The following INTS13 variants were observed in gnomAD, a reference collection of about 807,000 sequenced individuals.
INTS13 encodes the protein asunder, spermatogenesis regulator homolog (Drosphila).
INTS13 carries 35 observed loss-of-function variants against 90.2 expected under a neutral mutation model. That is an observed-to-expected ratio of 0.39 (90% CI 0.30 to 0.51). The LOEUF (loss-of-function observed/expected upper bound fraction) is 0.51, where lower values mean the gene tolerates loss of function less well. INTS13 is among the 20% of genes least tolerant of loss of function. The pLI is 0.80. For missense variants in INTS13, 601 were observed against 851.2 expected (o/e 0.71, Z 3.66); for synonymous variants, 309 against 277.1 (o/e 1.11, Z -1.14).
intron 15 of INTS13, among the ~76,000 whole-genome samples, chr12:26,910,715 G>C (rs951873466): frequency 2.6e-5 from 4 of 152,098 alleles, no homozygotes; most frequent in African/African-American, 7.2e-5. Context: ...AGCAGCATAA[G>C]ACTGGACTAA....
chr12:26,924,496 A>G lies in INTS13; in HGVS notation c.676-13T>C. ...AAACCGGGGACAACTACAGAAAAAC[A>G]TACAAGAAAAATAATCCACAAAATA... On this transcript the variant is annotated splice_polypyrimidine_tract_variant and intron_variant, in intron 6 of 16. Transcript: ENST00000261191. 1.3e-6 allele frequency: 2 copies of G among 1,592,234 alleles called. No individual in the cohort carries two copies. The highest frequency in any genetic ancestry group is 1.7e-6 in the Non-Finnish European group (2 of 1,168,650).
chr12:26,909,924 T>C (rs1434563620), intron 15 of INTS13, among the ~76,000 whole-genome samples: 2 of 152,064 alleles, frequency 1.3e-5, no homozygotes, highest in Non-Finnish European at 2.9e-5. Context: ...AGGAGAGGCA[T>C]AGTGGCAGGA....
intron 8 of INTS13, among the ~76,000 whole-genome samples, chr12:26,919,777 G>C (rs1001148961): frequency 6.6e-6 from 1 of 151,744 alleles, no homozygotes; most frequent in South Asian, 2.1e-4. Context: ...TGGGCATGTT[G>C]AAGTGTAGGT....
chr12:26,905,343 T>C lies in INTS13; in HGVS notation c.*154A>G. 1 of 638,742 alleles carries C rather than the reference T, an allele frequency of 1.6e-6. No homozygotes were observed. Among genetic ancestry groups the C allele is most frequent in the Non-Finnish European group, 2.6e-6 (1 of 384,844 alleles). 39.6% of individuals were successfully genotyped at this position (638,742 alleles called of 1,614,324 possible). A position where few individuals can be genotyped will look rare whatever the true frequency, so the allele number is the denominator to read the frequency against. On this transcript the variant is annotated 3_prime_UTR_variant, in exon 17 of 17. Coordinates refer to ENST00000261191, the MANE Select transcript of INTS13 (RefSeq NM_018164.3). ...ATATTTTTGAATTATGTGCCAATTT[T>C]ATAATTAGTACAAAAATGACAGCTG...
At chr12:26,907,208 T>A (rs1159238873) in intron 15 of INTS13, among the ~76,000 whole-genome samples, 1 of 152,174 alleles carries the variant, frequency 6.6e-6, no homozygotes, top group Admixed American at 6.5e-5. Flanking sequence ...TACTTCCTCA[T>A]TACAAGACTT....
In INTS13 at chr12:26,914,018, A is replaced by T; in HGVS notation, c.1530T>A (p.Pro510=). 1 of 1,611,174 alleles carries T rather than the reference A, an allele frequency of 6.2e-7. No individual in the cohort carries two copies. The highest frequency in any genetic ancestry group is 8.5e-7 in the Non-Finnish European group (1 of 1,179,206). The change falls in exon 13 of 17, where the codon CCT becomes CCA. Residue 510 remains proline (P), a synonymous_variant. Transcript: ENST00000261191. ...TTGTACCAACTGTGGAAATAGGTAG[A>T]GGATCATTTTTTCTTTCCATATCAA... ...NLVDMERKND[P]LPISTVGTRG...
intron 3 of INTS13, among the ~76,000 whole-genome samples, chr12:26,933,103 A>G (rs1055246694): frequency 6.6e-6 from 1 of 151,608 alleles, no homozygotes; most frequent in Non-Finnish European, 1.5e-5. Context: ...AGTTAAGAGT[A>G]TAAGTCAAAG....
rs576841009 is a variant in INTS13 at position 26,909,953 on chromosome 12, C to T, written c.1945+1225G>A. Among the ~76,000 whole-genome samples, 43 of 152,152 alleles carry T rather than the reference C, an allele frequency of 2.8e-4. 3 individuals carry two copies. The South Asian group carries it at 7.9e-3, about 28-fold the overall frequency. On this transcript the variant is annotated intron_variant, in intron 15 of 16. Coordinates refer to ENST00000261191, the MANE Select transcript of INTS13 (RefSeq NM_018164.3). The stretch of plus-strand genomic sequence containing the variant: ...GGCAGGACATCAGGTAGTCTAATGA[C>T]GGCATACCATTACACATGTATCCTA...
chr12:26,922,468 C>T (rs1937639912), intron 8 of INTS13, 148 bp downstream of exon 8: 1 of 420,772 alleles, frequency 2.4e-6, no homozygotes, highest in Non-Finnish European at 4.2e-6. Flanking sequence ...TAGGAGAAAA[C>T]AGTGTATACA....
intron 8 of INTS13, among the ~76,000 whole-genome samples, 169 bp downstream of exon 8, chr12:26,922,447 G>A (rs1474561782): frequency 6.6e-6 from 1 of 152,074 alleles, no homozygotes; most frequent in African/African-American, 2.4e-5. Flanking sequence ...TTTATCATAG[G>A]TATGTACGTA....
chr12:26,916,810 A>C (rs1440434450), intron 10 of INTS13, among the ~76,000 whole-genome samples: 1 of 152,216 alleles, frequency 6.6e-6, no homozygotes, highest in East Asian at 1.9e-4. Context: ...GACTTGTAAA[A>C]AATTTTCACA....
At chr12:26,929,037 A>C in intron 3 of INTS13, 132 bp from the exon 4 acceptor site, 1 of 760,470 alleles carries the variant, frequency 1.3e-6, no homozygotes, top group Non-Finnish European at 2.1e-6. Flanking sequence ...AATAGTAGCA[A>C]ACCAAATCCA....
rs749312617 is a variant in INTS13 at position 26,914,438 on chromosome 12, A to G, written c.1389T>C (p.Ile463=). The G allele has an allele frequency of 4.3e-6, 7 of 1,613,360 alleles. No individual in the cohort carries two copies. The South Asian group carries it at 4.4e-5, about 10-fold the overall frequency. ...EKHTRYWPMI[I]SQTTIFNMQA... is the part of the protein sequence containing the mutation. ...GCATGTTAAAAATGGTGGTTTGTGA[A>G]ATGATCATAGGCCAGTAACGGGTAT... Residue 463 remains isoleucine, a synonymous_variant, in exon 12 of 17, where the codon ATT becomes ATC. Coordinates refer to ENST00000261191, the MANE Select transcript of INTS13 (RefSeq NM_018164.3).
intron 8 of INTS13, among the ~76,000 whole-genome samples, chr12:26,921,639 G>A (rs897908839): frequency 6.6e-6 from 1 of 152,270 alleles, no homozygotes; most frequent in East Asian, 1.9e-4. Flanking sequence ...AGTACCTGTG[G>A]TCAACTGCAG....
At chr12:26,932,068 C>T (rs1036165135) in intron 3 of INTS13, among the ~76,000 whole-genome samples, 1 of 111,790 alleles carries the variant, frequency 8.9e-6, no homozygotes, top group East Asian at 3.1e-4. Context: ...GCCTGGGCAA[C>T]AAGAGTGAAA....
intron 15 of INTS13, among the ~76,000 whole-genome samples, chr12:26,910,134 ATT>A (rs1951731060): frequency 1.3e-5 from 2 of 152,202 alleles, no homozygotes; most frequent in South Asian, 2.1e-4. Flanking sequence ...CAGTGAAAAT[ATT>A]GTTTATAATA....
At chr12:26,907,531 G>A (rs1951645121) in intron 15 of INTS13, among the ~76,000 whole-genome samples, 1 of 152,128 alleles carries the variant, frequency 6.6e-6, no homozygotes, top group Non-Finnish European at 1.5e-5. Context: ...GTGACCCTGG[G>A]TTAGATTTCT....
chr12:26,934,283 G>A (rs1938347019), intron 3 of INTS13, among the ~76,000 whole-genome samples: 1 of 151,996 alleles, frequency 6.6e-6, no homozygotes, highest in South Asian at 2.1e-4. Flanking sequence ...AAATAAATAA[G>A]TAGATAAATA....
At chr12:26,911,357 T>G in intron 14 of INTS13, 40 bp from the exon 15 acceptor site, 1 of 1,551,332 alleles carries the variant, frequency 6.4e-7, no homozygotes, top group Non-Finnish European at 8.7e-7. Context: ...AGTTCAAATT[T>G]TTAGAAGTCT....
Sources: allele counts gnomAD v4.1 joint callset (sites outside exome capture counted in the v4.1 genomes callset), GRCh38; gene constraint gnomAD v4.1.1; transcripts MANE v1.5; gene names NCBI Gene and HGNC (gene_info 2026-07-23, HGNC 2026-07-21).